Variants in ANKS1B observed in about 807,000 individuals in gnomAD.
ANKS1B encodes ankyrin repeat and sterile alpha motif domain-containing protein 1B.
A neutral mutation model predicts 148.3 loss-of-function variants in ANKS1B; 36 were observed. The ratio of observed to expected loss-of-function variants is 0.24; its 90% CI spans 0.19 to 0.32. The LOEUF is 0.32. Ranked by LOEUF, ANKS1B falls within the 10% of genes least tolerant of loss-of-function variation. The pLI, the probability that ANKS1B is intolerant of heterozygous loss-of-function variation, is 1.00. For missense variants in ANKS1B, 1,157 were observed against 1,542.6 expected, an observed-to-expected ratio of 0.75 and a Z score of 4.19; for synonymous variants, 542 against 560.8, an observed-to-expected ratio of 0.97 and a Z score of 0.47.
At chr12:99,265,061 C>T (rs1336007923) in intron 12 of ANKS1B, among the ~76,000 whole-genome samples, 2 of 152,096 alleles carry the variant, frequency 1.3e-5, no homozygotes, top group East Asian at 3.8e-4. Context: ...TGACATGTAG[C>T]TGGTCCAAAT....
intron 17 of ANKS1B, among the ~76,000 whole-genome samples, chr12:98,867,875 A>G (rs2099633287): frequency 6.6e-6 from 1 of 151,918 alleles, no homozygotes; most frequent in South Asian, 2.1e-4. Context: ...AAAAAAAAAA[A>G]GAATATAAGT....
At chr12:99,186,153 G>C (rs375744239) in intron 14 of ANKS1B, among the ~76,000 whole-genome samples, 1 of 152,182 alleles carries the variant, frequency 6.6e-6, no homozygotes, top group Non-Finnish European at 1.5e-5. Flanking sequence ...GCCTACTGCA[G>C]ATTGGTAAAG....
intron 10 of ANKS1B, among the ~76,000 whole-genome samples, chr12:99,502,228 T>A (rs1221294393): frequency 6.6e-6 from 1 of 152,170 alleles, no homozygotes; most frequent in Admixed American, 6.5e-5. Context: ...TTTCCTATTT[T>A]AATGAAGCTT....
intron 8 of ANKS1B, among the ~76,000 whole-genome samples, chr12:99,753,894 G>C (rs908022012): frequency 6.6e-6 from 1 of 151,900 alleles, no homozygotes; most frequent in South Asian, 2.1e-4. Context: ...ATGGTGCTGG[G>C]CACCTGTAAT....
chr12:99,568,041 T>C (rs1317174976), intron 9 of ANKS1B, among the ~76,000 whole-genome samples: 2 of 152,212 alleles, frequency 1.3e-5, no homozygotes, highest in African/African-American at 4.8e-5. Context: ...TACAGTCCTG[T>C]TGTATTAGTT....
chr12:98,907,199 T>C (rs1406661672), intron 17 of ANKS1B, among the ~76,000 whole-genome samples: 1 of 152,220 alleles, frequency 6.6e-6, no homozygotes, highest in African/African-American at 2.4e-5. Flanking sequence ...CATCTCCCCT[T>C]TGCATATTCG....
chr12:98,977,857 A>C (rs2099899969), intron 17 of ANKS1B, among the ~76,000 whole-genome samples: 1 of 152,166 alleles, frequency 6.6e-6, no homozygotes, highest in South Asian at 2.1e-4. Context: ...TAGCTTAAGA[A>C]AGAACTTGGT....
chr12:99,322,690 C>A (rs2085523511), intron 12 of ANKS1B, among the ~76,000 whole-genome samples: 1 of 152,192 alleles, frequency 6.6e-6, no homozygotes, highest in Non-Finnish European at 1.5e-5. Flanking sequence ...AGTCACCCAA[C>A]TTTCACTTTT....
Position 99,129,225 on chromosome 12 carries a change from C to A in ANKS1B, c.2526+25064G>T, listed in dbSNP as rs574086928. Among the ~76,000 whole-genome samples the A allele has an allele frequency of 2.0e-5, 3 of 152,298 alleles. No homozygotes were observed. In the South Asian group the frequency reaches 6.2e-4, roughly 32 times the overall value. ...GCCTGTGGATGGTGTTCCCTTCCCACAAGGCACAGAGGATTCTGGGTCAGG... is the reference window on the plus strand; with the variant it reads ...GCCTGTGGATGGTGTTCCCTTCCCAAAAGGCACAGAGGATTCTGGGTCAGG... On this transcript the variant is annotated intron_variant, in intron 15 of 26. Transcript: ENST00000683438.
intron 16 of ANKS1B, among the ~76,000 whole-genome samples, chr12:99,065,912 G>T (rs2044144071): frequency 6.6e-6 from 1 of 152,194 alleles, no homozygotes; most frequent in Non-Finnish European, 1.5e-5. Flanking sequence ...AGAAAGTGCA[G>T]TGGGGGGATC....
intron 9 of ANKS1B, among the ~76,000 whole-genome samples, chr12:99,561,413 T>C (rs1208631631): frequency 6.6e-6 from 1 of 152,236 alleles, no homozygotes; most frequent in Admixed American, 6.5e-5. Context: ...CCTCATTGTA[T>C]GTTGTCTTTT....
chr12:98,986,779 T>C (rs1166692159), intron 17 of ANKS1B, among the ~76,000 whole-genome samples: 1 of 151,996 alleles, frequency 6.6e-6, no homozygotes, highest in African/African-American at 2.4e-5. Flanking sequence ...CACACCTGGA[T>C]TTTTATTTTA....
chr12:99,669,506 G>A (rs187404502), intron 8 of ANKS1B, among the ~76,000 whole-genome samples: 5 of 151,928 alleles, frequency 3.3e-5, no homozygotes, highest in Admixed American at 6.6e-5. Context: ...TAAGACTTAC[G>A]TTCCCTCTGG....
chr12:99,925,192 GC>G (rs2094454229), intron 1 of ANKS1B, among the ~76,000 whole-genome samples: 2 of 152,152 alleles, frequency 1.3e-5, no homozygotes, highest in South Asian at 4.1e-4. Flanking sequence ...TTAACAGAAA[GC>G]CCTAGGAGCC....
At chr12:99,596,295 C>G (rs963176326) in intron 9 of ANKS1B, among the ~76,000 whole-genome samples, 1 of 151,808 alleles carries the variant, frequency 6.6e-6, no homozygotes, top group African/African-American at 2.4e-5. Flanking sequence ...CTCATGGTAT[C>G]ATCAATCCTT....
chr12:99,342,691 G>A (rs1313750260), intron 12 of ANKS1B, among the ~76,000 whole-genome samples: 2 of 152,124 alleles, frequency 1.3e-5, no homozygotes, highest in Non-Finnish European at 2.9e-5. Context: ...TAACACTTTA[G>A]AATGAATCAC....
At chr12:99,176,778 G>A (rs760421430) in intron 14 of ANKS1B, among the ~76,000 whole-genome samples, 8 of 151,980 alleles carry the variant, frequency 5.3e-5, no homozygotes, top group East Asian at 1.9e-4. Context: ...CATTTTCTCC[G>A]TGTGAGATGC....
chr12:99,547,450 G>C (rs1052770211), intron 9 of ANKS1B, among the ~76,000 whole-genome samples: 2 of 152,186 alleles, frequency 1.3e-5, no homozygotes, highest in African/African-American at 4.8e-5. Flanking sequence ...AAACACCCAG[G>C]GGTGTTATGA....
intron 10 of ANKS1B, among the ~76,000 whole-genome samples, chr12:99,482,543 T>C (rs1373773623): frequency 6.6e-6 from 1 of 152,060 alleles, no homozygotes; most frequent in Non-Finnish European, 1.5e-5. Flanking sequence ...AATTTTAGAA[T>C]GGTTTTTTAT....
Sources: allele counts gnomAD v4.1 joint callset (sites outside exome capture counted in the v4.1 genomes callset), GRCh38; gene constraint gnomAD v4.1.1; transcripts MANE v1.5; gene names NCBI Gene and HGNC (gene_info 2026-07-23, HGNC 2026-07-21).